The following MCU variants were observed in gnomAD, a reference collection of about 807,000 sequenced individuals.
MCU encodes the protein calcium uniporter protein, mitochondrial.
MCU carries 12 observed loss-of-function variants against 45.2 expected under a neutral mutation model. That is an observed-to-expected ratio of 0.27 (90% CI 0.17 to 0.43). The LOEUF (loss-of-function observed/expected upper bound fraction) is 0.43. MCU is among the 20% of genes least tolerant of loss of function. The pLI is 1.00. For synonymous variants in MCU, 160 were observed against 165.1 expected (o/e 0.97, Z 0.24); for missense variants, 324 against 436.7 (o/e 0.74, Z 2.30).
intron 2 of MCU, among the ~76,000 whole-genome samples, chr10:72,858,923 C>T (rs553711261): frequency 2.0e-5 from 3 of 152,280 alleles, no homozygotes; most frequent in African/African-American, 7.2e-5. Flanking sequence ...GAAAGCCTCT[C>T]CTTGACCCAC....
At chr10:72,824,471 A>G (rs1844765767) in intron 1 of MCU, among the ~76,000 whole-genome samples, 1 of 151,764 alleles carries the variant, frequency 6.6e-6, no homozygotes. Flanking sequence ...AGCCTCCCAA[A>G]GTGCTGGGAT....
chr10:72,850,140 C>G (rs902146599), intron 2 of MCU, among the ~76,000 whole-genome samples: 6 of 152,070 alleles, frequency 3.9e-5, no homozygotes, highest in Admixed American at 1.3e-4. Context: ...GTCTCGAACT[C>G]CTGACCTCAG....
At chr10:72,758,770 A>G (rs949381784) in intron 1 of MCU, among the ~76,000 whole-genome samples, 1 of 152,092 alleles carries the variant, frequency 6.6e-6, no homozygotes, top group Non-Finnish European at 1.5e-5. Flanking sequence ...TGTTTAATCT[A>G]TTTTCTTGAC....
intron 1 of MCU, among the ~76,000 whole-genome samples, chr10:72,694,581 A>T (rs1346028964): frequency 5.3e-5 from 8 of 152,224 alleles, no homozygotes. Flanking sequence ...ATGGGAGCAA[A>T]CAACTTACCA....
At chr10:72,720,592 C>A (rs1386816770) in intron 1 of MCU, among the ~76,000 whole-genome samples, 2 of 152,202 alleles carry the variant, frequency 1.3e-5, no homozygotes, top group African/African-American at 4.8e-5. Context: ...TCAGTGACTT[C>A]TTCCTTCTCC....
intron 1 of MCU, among the ~76,000 whole-genome samples, chr10:72,701,509 G>A (rs1299278783): frequency 2.0e-5 from 3 of 151,932 alleles, no homozygotes; most frequent in Admixed American, 1.3e-4. Flanking sequence ...AAGAGATCTC[G>A]ACATCCTTCC....
intron 1 of MCU, among the ~76,000 whole-genome samples, chr10:72,727,871 T>C (rs1240963088): frequency 2.6e-5 from 4 of 151,630 alleles, no homozygotes; most frequent in African/African-American, 9.7e-5. Flanking sequence ...TTAGTTGAAA[T>C]GACAAAGCCC....
At chr10:72,724,668 T>C (rs1016339975) in intron 1 of MCU, among the ~76,000 whole-genome samples, 1 of 152,250 alleles carries the variant, frequency 6.6e-6, no homozygotes, top group African/African-American at 2.4e-5. Flanking sequence ...CCTGAACATA[T>C]TTGAAGACAG....
intron 1 of MCU, among the ~76,000 whole-genome samples, chr10:72,711,621 G>A (rs1453970038): frequency 6.6e-6 from 1 of 151,506 alleles, no homozygotes; most frequent in Non-Finnish European, 1.5e-5. Flanking sequence ...GAGGTGGGAG[G>A]ATTGCTTGAG....
intron 1 of MCU, among the ~76,000 whole-genome samples, chr10:72,761,516 C>T (rs1227297206): frequency 6.6e-6 from 1 of 152,206 alleles, no homozygotes; most frequent in Non-Finnish European, 1.5e-5. Flanking sequence ...TTATGATCGG[C>T]ACTGCCATGC....
intron 2 of MCU, among the ~76,000 whole-genome samples, chr10:72,840,415 AT>A (rs1845030529): frequency 1.3e-5 from 2 of 152,158 alleles, no homozygotes. Flanking sequence ...AGTGTTCTTT[AT>A]ATAGTCTAGA....
intron 1 of MCU, among the ~76,000 whole-genome samples, chr10:72,788,577 A>G (rs933084704): frequency 6.6e-6 from 1 of 152,178 alleles, no homozygotes; most frequent in Non-Finnish European, 1.5e-5. Context: ...AGAGTGTGCC[A>G]TGATGCACCA....
intron 6 of MCU, among the ~76,000 whole-genome samples, chr10:72,880,823 C>A (rs1188853760): frequency 6.6e-6 from 1 of 152,088 alleles, no homozygotes; most frequent in East Asian, 1.9e-4. Flanking sequence ...TATAAATGAA[C>A]TTTTGATTTT....
intron 1 of MCU, among the ~76,000 whole-genome samples, chr10:72,698,071 A>G (rs1286483671): frequency 6.6e-6 from 1 of 152,108 alleles, no homozygotes; most frequent in East Asian, 1.9e-4. Context: ...ATGAGCTACC[A>G]CATCCAGCAC....
At chr10:72,781,315 A>T (rs989522158) in intron 1 of MCU, among the ~76,000 whole-genome samples, 1 of 152,238 alleles carries the variant, frequency 6.6e-6, no homozygotes, top group Non-Finnish European at 1.5e-5. Context: ...CCTGGGCTGC[A>T]TGCTTTCAGA....
At chr10:72,809,947 A>T (rs1017645422) in intron 1 of MCU, among the ~76,000 whole-genome samples, 2 of 152,108 alleles carry the variant, frequency 1.3e-5, no homozygotes, top group African/African-American at 2.4e-5. Context: ...GCATAATAGT[A>T]TGAGAAATGA....
chr10:72,886,425 A>G lies in MCU; in HGVS notation c.*603A>G, dbSNP rs113901580. ...ATTGGAACCAACTTATAACTGTTTAATAATTGACACTTTAGATTATCTCTT... is the reference window on the plus strand; with the variant it reads ...ATTGGAACCAACTTATAACTGTTTAGTAATTGACACTTTAGATTATCTCTT... On this transcript the variant is annotated 3_prime_UTR_variant, in exon 8 of 8. Coordinates refer to ENST00000373053, the MANE Select transcript of MCU (RefSeq NM_138357.3). 5.9e-5 allele frequency: 9 copies of G among 152,512 alleles called. No individual in the cohort carries two copies. Among genetic ancestry groups the G allele is most frequent in the African/African-American group, 9.6e-5 (4 of 41,544 alleles). The allele number at this position is 152,512 out of a possible 1,614,324, so 9.4% of individuals were successfully genotyped here.
intron 1 of MCU, among the ~76,000 whole-genome samples, chr10:72,717,279 A>G (rs1050948923): frequency 2.8e-5 from 4 of 145,302 alleles, no homozygotes; most frequent in African/African-American, 7.7e-5. Context: ...TTTTTTTTGG[A>G]GATACAGTCT....
chr10:72,731,846 C>T (rs1843179143), intron 1 of MCU, among the ~76,000 whole-genome samples: 1 of 152,170 alleles, frequency 6.6e-6, no homozygotes, highest in African/African-American at 2.4e-5. Context: ...ATCCATTCAT[C>T]AGTTTATAGA....
Sources: gnomAD v4.1 joint callset for allele counts (sites outside exome capture counted in the v4.1 genomes callset) on GRCh38, gnomAD v4.1.1 for gene constraint, MANE v1.5 for transcripts, NCBI Gene and HGNC (gene_info 2026-07-23, HGNC 2026-07-21) for gene names.